The following PALLD variants were observed in gnomAD, a reference collection of about 807,000 sequenced individuals.
The protein encoded by PALLD is palladin.
A neutral mutation model predicts 123.5 loss-of-function variants in PALLD; 61 were observed. The ratio of observed to expected loss-of-function variants is 0.49; its 90% CI spans 0.40 to 0.61. The LOEUF is 0.61. Ranked by LOEUF, PALLD falls within the 20% of genes least tolerant of loss-of-function variation. PALLD has a pLI of 0.00. For synonymous variants in PALLD, 465 were observed against 496.4 expected (o/e 0.94, Z 0.84); for missense variants, 1,273 against 1,377.0 (o/e 0.92, Z 1.20).
intron 2 of PALLD, chr4:168,530,515 T>C (rs549970417): frequency 1.3e-5 from 2 of 152,244 alleles, no homozygotes; most frequent in African/African-American, 4.8e-5. Flanking sequence ...TCGCCAATTT[T>C]ATGGTTTGTG....
intron 2 of PALLD, among the ~76,000 whole-genome samples, chr4:168,590,068 T>G (rs1384095531): frequency 6.6e-6 from 1 of 152,254 alleles, no homozygotes; most frequent in Non-Finnish European, 1.5e-5. Flanking sequence ...CTGGGCTCAG[T>G]GGCTCACGCC....
At chr4:168,672,417 C>A (rs573299077) in intron 3 of PALLD, among the ~76,000 whole-genome samples, 1 of 152,146 alleles carries the variant, frequency 6.6e-6, no homozygotes, top group Non-Finnish European at 1.5e-5. Context: ...CTTCCCCTTT[C>A]CAGCCCCTAT....
At chr4:168,810,223 C>G (rs1740872382) in intron 10 of PALLD, among the ~76,000 whole-genome samples, 1 of 151,652 alleles carries the variant, frequency 6.6e-6, no homozygotes, top group East Asian at 1.9e-4. Flanking sequence ...CATATATAGA[C>G]CATGTTTTTA....
intron 10 of PALLD, among the ~76,000 whole-genome samples, chr4:168,862,828 C>G (rs1749690214): frequency 6.6e-6 from 1 of 152,166 alleles, no homozygotes; most frequent in African/African-American, 2.4e-5. Context: ...AAAGCATATA[C>G]ATGAAGTGGA....
chr4:168,609,099 T>C (rs1212922680), intron 2 of PALLD, among the ~76,000 whole-genome samples: 1 of 152,116 alleles, frequency 6.6e-6, no homozygotes, highest in Non-Finnish European at 1.5e-5. Flanking sequence ...GGACTCAAAC[T>C]TCCTTTATTC....
rs193065715 is a variant in PALLD, at chr4:168,650,946, A to G, written c.909-17244A>G. 9.6e-4 allele frequency among the ~76,000 whole-genome samples: 146 copies of G among 152,322 alleles called. 1 individual carries two copies. Among genetic ancestry groups the G allele is most frequent in the African/African-American group, 3.4e-3 (140 of 41,580 alleles). On this transcript the variant is annotated intron_variant, in intron 2 of 21. Coordinates refer to ENST00000505667, the MANE Select transcript of PALLD (RefSeq NM_001166108.2). ...TATTATTTGCTAAATACATAAATGT[A>G]TTTACAGATGGCTTTCTAAAGACTA...
At chr4:168,555,458 C>T (rs777077016) in intron 2 of PALLD, among the ~76,000 whole-genome samples, 12 of 152,198 alleles carry the variant, frequency 7.9e-5, no homozygotes, top group Non-Finnish European at 1.2e-4. Flanking sequence ...GACCTGAGCA[C>T]CGCAGCGAGC....
At chr4:168,651,737 A>G (rs544669867) in intron 2 of PALLD, among the ~76,000 whole-genome samples, 2 of 152,282 alleles carry the variant, frequency 1.3e-5, no homozygotes, top group East Asian at 3.9e-4. Context: ...GGGAGGAGGG[A>G]AGAATTTCTA....
intron 2 of PALLD, among the ~76,000 whole-genome samples, chr4:168,571,989 G>A (rs927653319): frequency 6.6e-6 from 1 of 152,154 alleles, no homozygotes; most frequent in African/African-American, 2.4e-5. Context: ...CACTTTGGGA[G>A]GCCGAGGCGG....
chr4:168,905,756 T>C (rs1213358188), intron 15 of PALLD, among the ~76,000 whole-genome samples: 2 of 151,212 alleles, frequency 1.3e-5, no homozygotes, highest in Non-Finnish European at 2.9e-5. Context: ...ATTTGATATA[T>C]ATGAAGAAAC....
At chr4:168,777,350 A>G (rs546474655) in intron 10 of PALLD, among the ~76,000 whole-genome samples, 1 of 152,294 alleles carries the variant, frequency 6.6e-6, no homozygotes, top group South Asian at 2.1e-4. Context: ...TCATTGCTCC[A>G]TTGTCCAGTC....
At chr4:168,704,343 A>C (rs1784011128) in intron 8 of PALLD, among the ~76,000 whole-genome samples, 1 of 152,254 alleles carries the variant, frequency 6.6e-6, no homozygotes, top group Non-Finnish European at 1.5e-5. Context: ...ATTATTTAAA[A>C]GATAGAGAAC....
rs1762579601 is a variant in PALLD, at chr4:168,926,362, T to A, written c.*182T>A. 3 of 1,537,260 alleles carry A rather than the reference T, an allele frequency of 2.0e-6. No individual in the cohort carries two copies. The highest frequency in any genetic ancestry group is 1.7e-4 in the Middle Eastern group (1 of 5,994). ...ATCTCACCTGACACTGAATACTGCC[T>A]TGGTAGAAAGTGAGGACCTGTAATC... On this transcript the variant is annotated 3_prime_UTR_variant, in exon 22 of 22. Coordinates refer to ENST00000505667, the MANE Select transcript of PALLD (RefSeq NM_001166108.2).
At chr4:168,541,485 T>C (rs556001439) in intron 2 of PALLD, among the ~76,000 whole-genome samples, 130 of 150,450 alleles carry the variant, frequency 8.6e-4, no homozygotes, top group South Asian at 1.5e-3. Context: ...ATTTATTTAT[T>C]TATCTGTTGA....
chr4:168,797,696 T>C (rs1490300683), intron 10 of PALLD, among the ~76,000 whole-genome samples: 1 of 152,128 alleles, frequency 6.6e-6, no homozygotes, highest in Non-Finnish European at 1.5e-5. Flanking sequence ...TATGTTACCT[T>C]GCAAGAAAAA....
chr4:168,691,323 G>A (rs540271795), intron 8 of PALLD, 31 bp downstream of exon 8: 2 of 1,553,530 alleles, frequency 1.3e-6, no homozygotes, highest in South Asian at 2.3e-5. Context: ...TTTTTTTTTG[G>A]TGGTGGGGGA....
chr4:168,599,568 A>C (rs1015953151), intron 2 of PALLD, among the ~76,000 whole-genome samples: 1 of 152,210 alleles, frequency 6.6e-6, no homozygotes, highest in Non-Finnish European at 1.5e-5. Context: ...TGCAAGTAAT[A>C]ATGGATATCA....
At chr4:168,755,093 C>T (rs1009305575) in intron 10 of PALLD, among the ~76,000 whole-genome samples, 15 of 151,950 alleles carry the variant, frequency 9.9e-5, no homozygotes, top group Non-Finnish European at 1.3e-4. Context: ...ATTAGCCAGG[C>T]GTGGTGGCGG....
intron 10 of PALLD, among the ~76,000 whole-genome samples, chr4:168,878,584 C>T (rs893673308): frequency 6.6e-6 from 1 of 151,436 alleles, no homozygotes; most frequent in Non-Finnish European, 1.5e-5. Flanking sequence ...TGCGTAGCCA[C>T]TTAACATTAT....
Sources: gnomAD v4.1 joint callset for allele counts (sites outside exome capture counted in the v4.1 genomes callset) on GRCh38, gnomAD v4.1.1 for gene constraint, MANE v1.5 for transcripts, NCBI Gene and HGNC (gene_info 2026-07-23, HGNC 2026-07-21) for gene names.